Variants in RBFOX1 observed in about 807,000 individuals in gnomAD.
The protein encoded by RBFOX1 is RNA binding fox-1 homolog 1.
A neutral mutation model predicts 57.7 loss-of-function variants in RBFOX1; 8 were observed. That is an observed-to-expected ratio of 0.14 (90% CI 0.08 to 0.25). RBFOX1 has a LOEUF of 0.25. RBFOX1 is among the 10% of genes least tolerant of loss of function. The probability of loss-of-function intolerance (pLI) is 1.00; values close to 1 mark genes in which losing one functional copy is unlikely to be tolerated. For synonymous variants in RBFOX1, 326 were observed against 222.4 expected (o/e 1.47, Z -4.15); for missense variants, 611 against 548.5 (o/e 1.11, Z -1.14).
intron 3 of RBFOX1, among the ~76,000 whole-genome samples, chr16:5,611,719 T>TATCCATCCATCCATCCATCCCTCC (rs2047802732): frequency 8.7e-6 from 1 of 114,584 alleles, no homozygotes; most frequent in Non-Finnish European, 1.7e-5. Flanking sequence ...TCCATCCATC[T>TATCCATCCATCCATCCATCCCTCC]ATCCATCCAT....
chr16:6,538,888 C>T (rs1194458615), intron 2 of RBFOX1, among the ~76,000 whole-genome samples: 1 of 152,084 alleles, frequency 6.6e-6, no homozygotes, highest in African/African-American at 2.4e-5. Flanking sequence ...GGGATTAGCT[C>T]CTCTTTCCAG....
chr16:6,648,604 G>A (rs1203281057), intron 2 of RBFOX1, among the ~76,000 whole-genome samples: 1 of 152,074 alleles, frequency 6.6e-6, no homozygotes. Flanking sequence ...TCCCCTGGAG[G>A]GCTTGGTAGC....
chr16:6,310,310 C>A (rs996915255), intron 1 of RBFOX1, among the ~76,000 whole-genome samples: 2 of 152,224 alleles, frequency 1.3e-5, no homozygotes, highest in Non-Finnish European at 2.9e-5. Context: ...TGAGCACTTA[C>A]TACGTGGCAG....
chr16:6,282,872 C>T (rs2076534406), intron 1 of RBFOX1, among the ~76,000 whole-genome samples: 1 of 152,200 alleles, frequency 6.6e-6, no homozygotes, highest in South Asian at 2.1e-4. Flanking sequence ...CCAACTACTT[C>T]ATTAAGTACT....
intron 2 of RBFOX1, among the ~76,000 whole-genome samples, chr16:6,459,078 G>C (rs956023999): frequency 6.6e-6 from 1 of 152,354 alleles, no homozygotes; most frequent in South Asian, 2.1e-4. Flanking sequence ...GCTCACGCCT[G>C]TAATCCCAGC....
intron 4 of RBFOX1, among the ~76,000 whole-genome samples, chr16:7,152,604 C>T (rs2152297000): frequency 6.6e-6 from 1 of 152,196 alleles, no homozygotes; most frequent in East Asian, 1.9e-4. Flanking sequence ...ATAGTGGCTT[C>T]TCTGTGGTGT....
intron 4 of RBFOX1, among the ~76,000 whole-genome samples, chr16:7,373,512 G>A (rs1308833192): frequency 6.6e-6 from 1 of 152,100 alleles, no homozygotes; most frequent in Non-Finnish European, 1.5e-5. Context: ...CCAGTCCCTT[G>A]TAATAAATGC....
chr16:7,223,986 G>C (rs1189923742), intron 4 of RBFOX1, among the ~76,000 whole-genome samples: 1 of 151,834 alleles, frequency 6.6e-6, no homozygotes, highest in Non-Finnish European at 1.5e-5. Context: ...GCTTTAATGT[G>C]AATTATAAGT....
intron 3 of RBFOX1, among the ~76,000 whole-genome samples, chr16:5,833,121 G>A (rs930495677): frequency 6.6e-6 from 1 of 152,104 alleles, no homozygotes; most frequent in African/African-American, 2.4e-5. Context: ...CCATACTAGA[G>A]CCTTATGCAT....
At chr16:5,517,364 TC>T (rs2043830507) in intron 2 of RBFOX1, among the ~76,000 whole-genome samples, 1 of 152,232 alleles carries the variant, frequency 6.6e-6, no homozygotes, top group South Asian at 2.1e-4. Flanking sequence ...CTATAGGCTT[TC>T]CCTGTTTACT....
At chr16:5,701,109 T>C (rs1310584262) in intron 3 of RBFOX1, among the ~76,000 whole-genome samples, 1 of 99,170 alleles carries the variant, frequency 1.0e-5, no homozygotes, top group Non-Finnish European at 2.9e-5. Context: ...TACCAGAAAA[T>C]GCCTGTTTAT....
At chr16:6,776,506 A>T (rs1041464612) in intron 3 of RBFOX1, among the ~76,000 whole-genome samples, 1 of 152,230 alleles carries the variant, frequency 6.6e-6, no homozygotes, top group African/African-American at 2.4e-5. Context: ...CAATTAAAAC[A>T]CATAGAAGAG....
In RBFOX1 at chr16:7,079,360, G is replaced by C. The variant is rs527596271; in HGVS notation, c.27+27262G>C. ...CTAAAAGAAGGGGAGCAGAGGAAAG[G>C]TATGCTGAGCAGGTACAACAAAGAA... On this transcript the variant is annotated intron_variant, in intron 4 of 15. Coordinates refer to ENST00000550418, the MANE Select transcript of RBFOX1 (RefSeq NM_018723.4). Among the ~76,000 whole-genome samples, 19 of 152,258 alleles carry C rather than the reference G, an allele frequency of 1.2e-4. 1 individual carries two copies. The highest frequency in any genetic ancestry group is 1.9e-4 in the East Asian group (1 of 5,168).
At chr16:6,521,852 A>G (rs76007034) in intron 2 of RBFOX1, among the ~76,000 whole-genome samples, 3,967 of 152,212 alleles carry the variant, frequency 0.026, 140 homozygotes, top group African/African-American at 0.082. Context: ...TAGAGTTAGG[A>G]CTAAGAAATG....
At chr16:5,891,136 G>A (rs1226905299) in intron 4 of RBFOX1, among the ~76,000 whole-genome samples, 1 of 152,168 alleles carries the variant, frequency 6.6e-6, no homozygotes, top group African/African-American at 2.4e-5. Flanking sequence ...AGTCAGTTCT[G>A]CCTCTCTACC....
intron 2 of RBFOX1, among the ~76,000 whole-genome samples, chr16:6,363,912 A>G (rs1343649228): frequency 6.6e-6 from 1 of 152,250 alleles, no homozygotes; most frequent in Non-Finnish European, 1.5e-5. Context: ...AAGTATCTGA[A>G]TATAACTATG....
chr16:5,583,405 G>T (rs2046737249), intron 2 of RBFOX1, among the ~76,000 whole-genome samples: 1 of 152,188 alleles, frequency 6.6e-6, no homozygotes, highest in Admixed American at 6.5e-5. Flanking sequence ...ACCACTTGTA[G>T]ACTGCTGAGT....
chr16:6,380,177 G>A (rs958377499), intron 2 of RBFOX1, among the ~76,000 whole-genome samples: 3 of 152,086 alleles, frequency 2.0e-5, no homozygotes, highest in African/African-American at 7.2e-5. Flanking sequence ...ATAGCCACAT[G>A]GAAAATGGGA....
chr16:7,440,612 T>C (rs1478975042), intron 4 of RBFOX1, among the ~76,000 whole-genome samples: 1 of 152,180 alleles, frequency 6.6e-6, no homozygotes, highest in Non-Finnish European at 1.5e-5. Flanking sequence ...GAGAGTTGCT[T>C]AATGAATTTA....
Sources: gnomAD v4.1 joint callset for allele counts (sites outside exome capture counted in the v4.1 genomes callset) on GRCh38, gnomAD v4.1.1 for gene constraint, MANE v1.5 for transcripts, NCBI Gene and HGNC (gene_info 2026-07-23, HGNC 2026-07-21) for gene names.